The following LRRC7 variants were observed in gnomAD, a reference collection of about 807,000 sequenced individuals.
The protein encoded by LRRC7 is leucine-rich repeat-containing protein 7.
LRRC7 carries 23 observed loss-of-function variants against 175.7 expected under a neutral mutation model. That is an observed-to-expected ratio of 0.13 (90% CI 0.09 to 0.19). LRRC7 has a LOEUF of 0.19. Ranked by LOEUF, LRRC7 falls within the 10% of genes least tolerant of loss-of-function variation. LRRC7 has a pLI of 1.00. For missense variants in LRRC7, 1,354 were observed against 1,904.7 expected (o/e 0.71, Z 5.38); for synonymous variants, 685 against 680.9 (o/e 1.01, Z -0.09).
chr1:69,686,805 A>C lies in LRRC7; in HGVS notation c.100+8327A>C, dbSNP rs75722577. On this transcript the variant is annotated intron_variant, in intron 2 of 26. Transcript: ENST00000651989. Reference sequence around the variant, plus strand: ...GTGTAAATACCATGGTTAAAAGACAAAGCTTGTCAGATTAGATAAAAAAGA... The same window carrying C: ...GTGTAAATACCATGGTTAAAAGACACAGCTTGTCAGATTAGATAAAAAAGA... Among the ~76,000 whole-genome samples the C allele has an allele frequency of 7.9e-3, 1,196 of 152,250 alleles. 18 individuals carry two copies. The highest frequency in any genetic ancestry group is 0.024 in the African/African-American group (1,011 of 41,574).
At chr1:69,754,657 TAGTC>T (rs1411485455) in intron 2 of LRRC7, among the ~76,000 whole-genome samples, 5 of 152,038 alleles carry the variant, frequency 3.3e-5, no homozygotes, top group South Asian at 4.1e-4. Context: ...CTGGGTCACA[TAGTC>T]AGGCAGTTTG....
At chr1:69,736,337 A>T (rs529482887) in intron 2 of LRRC7, among the ~76,000 whole-genome samples, 1 of 152,262 alleles carries the variant, frequency 6.6e-6, no homozygotes, top group Non-Finnish European at 1.5e-5. Context: ...ATTTGGCTGT[A>T]CTTCATCTCT....
chr1:69,592,144 T>C (rs1233311080), intron 1 of LRRC7, among the ~76,000 whole-genome samples: 1 of 151,992 alleles, frequency 6.6e-6, no homozygotes, highest in Non-Finnish European at 1.5e-5. Flanking sequence ...CCTAACTCTC[T>C]CGTTTTATCT....
intron 7 of LRRC7, among the ~76,000 whole-genome samples, chr1:69,888,590 G>A (rs147154517): frequency 0.043 from 6,473 of 152,212 alleles, 212 homozygotes; most frequent in East Asian, 0.15. Flanking sequence ...CGTCGCTCAC[G>A]CTGGGAGCTG....
At chr1:69,985,342 C>T (rs1294885810) in intron 9 of LRRC7, among the ~76,000 whole-genome samples, 1 of 152,132 alleles carries the variant, frequency 6.6e-6, no homozygotes, top group Non-Finnish European at 1.5e-5. Context: ...AGGGTAATCT[C>T]CAAAATTATA....
At chr1:70,027,611 A>G (rs1468526674) in intron 17 of LRRC7, among the ~76,000 whole-genome samples, 2 of 152,162 alleles carry the variant, frequency 1.3e-5, no homozygotes, top group Non-Finnish European at 2.9e-5. Flanking sequence ...CTTAGGGATT[A>G]ATGAGAATTA....
At chr1:69,792,839 T>A (rs998150308) in intron 4 of LRRC7, among the ~76,000 whole-genome samples, 2 of 152,066 alleles carry the variant, frequency 1.3e-5, no homozygotes, top group Admixed American at 1.3e-4. Context: ...GATTATTTTT[T>A]CTCCTGAGTA....
intron 1 of LRRC7, among the ~76,000 whole-genome samples, chr1:69,590,527 T>C (rs2100954322): frequency 6.6e-6 from 1 of 152,248 alleles, no homozygotes; most frequent in Middle Eastern, 3.4e-3. Flanking sequence ...CCTACTGTAC[T>C]CCAAAAATGG....
intron 7 of LRRC7, among the ~76,000 whole-genome samples, chr1:69,858,432 T>G (rs1485724053): frequency 3.3e-5 from 5 of 151,986 alleles, no homozygotes; most frequent in African/African-American, 1.2e-4. Context: ...ATTGTGCACA[T>G]GTACCCTAGA....
chr1:69,865,581 C>T (rs1276119812), intron 7 of LRRC7, among the ~76,000 whole-genome samples: 7 of 143,018 alleles, frequency 4.9e-5, no homozygotes, highest in Admixed American at 1.5e-4. Flanking sequence ...CCCGGGTTCA[C>T]GCCATTCTCC....
At chr1:69,769,583 A>T in intron 3 of LRRC7, among the ~76,000 whole-genome samples, 1 of 152,194 alleles carries the variant, frequency 6.6e-6, no homozygotes, top group East Asian at 1.9e-4. Context: ...TTTTGTGTTT[A>T]GACTCTGGTC....
intron 3 of LRRC7, among the ~76,000 whole-genome samples, chr1:69,771,782 C>T (rs1672267069): frequency 6.6e-6 from 1 of 152,096 alleles, no homozygotes; most frequent in Non-Finnish European, 1.5e-5. Context: ...AATCAACAAA[C>T]AATTTAAAAT....
intron 7 of LRRC7, among the ~76,000 whole-genome samples, chr1:69,866,435 T>C (rs1684956640): frequency 6.6e-6 from 1 of 152,170 alleles, no homozygotes; most frequent in African/African-American, 2.4e-5. Flanking sequence ...TGAAAGGGTA[T>C]ATCGTTTTAC....
At chr1:69,802,447 G>T (rs1388471905) in intron 4 of LRRC7, among the ~76,000 whole-genome samples, 3 of 151,188 alleles carry the variant, frequency 2.0e-5, no homozygotes, top group African/African-American at 7.3e-5. Flanking sequence ...TTCTATAATT[G>T]ATTCCTTTAT....
In LRRC7 at chr1:70,013,078, G is replaced by T; in HGVS notation, c.1239G>T (p.Leu413Phe). ...GQMQKLRVLN[L>F]SDNRLKNLPF... ...TGCAGAAACTAAGAGTCCTAAATTTGAGTGACAACAGGTATTTTTGCAACA... is the reference window on the plus strand; with the variant it reads ...TGCAGAAACTAAGAGTCCTAAATTTTAGTGACAACAGGTATTTTTGCAACA... Residue 413 changes from leucine (L) to phenylalanine (F), a missense_variant, in exon 13 of 27, where the codon TTG becomes TTT. By Grantham distance (22) the Leu-to-Phe change is conservative (BLOSUM62 0). Around this residue, in one of 4 missense-constraint regions of LRRC7, gnomAD observed 201 missense variants for 481.4 expected, o/e 0.42. Coordinates refer to ENST00000651989, the MANE Select transcript of LRRC7 (RefSeq NM_001370785.2). 2 of 1,553,766 alleles carry T rather than the reference G, an allele frequency of 1.3e-6. No individual in the cohort carries two copies. Among genetic ancestry groups the T allele is most frequent in the South Asian group, 2.4e-5 (2 of 82,176 alleles).
intron 3 of LRRC7, among the ~76,000 whole-genome samples, chr1:69,771,628 A>G (rs1394153059): frequency 1.3e-5 from 2 of 152,192 alleles, no homozygotes; most frequent in African/African-American, 4.8e-5. Context: ...AAATATATCA[A>G]TTGATTTGTT....
intron 14 of LRRC7, among the ~76,000 whole-genome samples, 197 bp from the exon 15 acceptor site, chr1:70,018,522 A>G (rs1657158821): frequency 6.6e-6 from 1 of 152,078 alleles, no homozygotes; most frequent in Non-Finnish European, 1.5e-5. Context: ...ATACTAAAGA[A>G]GAAGAAAACT....
At chr1:69,842,362 G>A (rs1302573209) in intron 7 of LRRC7, among the ~76,000 whole-genome samples, 1 of 151,996 alleles carries the variant, frequency 6.6e-6, no homozygotes, top group East Asian at 1.9e-4. Flanking sequence ...ATTTATCAAG[G>A]CCAAGACTAA....
intron 2 of LRRC7, among the ~76,000 whole-genome samples, chr1:69,702,744 T>G (rs1325602673): frequency 1.3e-5 from 2 of 152,150 alleles, no homozygotes; most frequent in African/African-American, 2.4e-5. Context: ...AAATGATTTT[T>G]GATTGAATAT....
Sources: gnomAD v4.1 joint callset for allele counts (sites outside exome capture counted in the v4.1 genomes callset) on GRCh38, gnomAD v4.1.1 for gene constraint, gnomAD v4.1.1 regional missense constraint, MANE v1.5 for transcripts, NCBI Gene and HGNC (gene_info 2026-07-23, HGNC 2026-07-21) for gene names.